The following CILK1 variants were observed in gnomAD, a reference collection of about 807,000 sequenced individuals.
CILK1 encodes ciliogenesis associated kinase 1, also known as serine/threonine-protein kinase ICK.
Under a neutral mutation model 79.2 loss-of-function variants are expected in CILK1, and 47 were observed. The observed-to-expected ratio is 0.59, with a 90% CI of 0.47 to 0.76. The LOEUF (loss-of-function observed/expected upper bound fraction) is 0.76. Among genes scored for constraint, CILK1 ranks in the 30% least tolerant of loss-of-function variants. The pLI is 0.00. For missense variants in CILK1, 660 were observed against 769.5 expected (o/e 0.86, Z 1.68); for synonymous variants, 266 against 275.9 (o/e 0.96, Z 0.36).
intron 1 of CILK1, among the ~76,000 whole-genome samples, chr6:53,057,419 A>G (rs973376528): frequency 1.1e-4 from 16 of 152,200 alleles, no homozygotes; most frequent in African/African-American, 3.9e-4. Flanking sequence ...GCAAGGCACT[A>G]TTGTGGCCCT....
intron 2 of CILK1, among the ~76,000 whole-genome samples, chr6:53,039,665 G>A (rs751459112): frequency 6.6e-6 from 1 of 152,218 alleles, no homozygotes; most frequent in African/African-American, 2.4e-5. Flanking sequence ...ATAGAGCTGT[G>A]CGCTACAGCT....
At chr6:53,024,922 T>A (rs1765477821) in intron 5 of CILK1, among the ~76,000 whole-genome samples, 1 of 145,190 alleles carries the variant, frequency 6.9e-6, no homozygotes, top group Non-Finnish European at 1.5e-5. Context: ...AACCTCCACC[T>A]CCCGGGTTCA....
At chr6:53,041,056 T>C in intron 2 of CILK1, 80 bp downstream of exon 2, 3 of 940,122 alleles carry the variant, frequency 3.2e-6, no homozygotes, top group Non-Finnish European at 5.3e-6. Context: ...TCCTACCCAC[T>C]CCCCTTTAGA....
intron 1 of CILK1, among the ~76,000 whole-genome samples, chr6:53,042,214 T>C (rs1486522907): frequency 6.6e-6 from 1 of 152,240 alleles, no homozygotes; most frequent in Non-Finnish European, 1.5e-5. Flanking sequence ...TCTTTTCTAA[T>C]TTCTTATACA....
intron 1 of CILK1, chr6:53,060,873 T>A (rs1006656541): frequency 6.6e-6 from 1 of 152,210 alleles, no homozygotes; most frequent in Non-Finnish European, 1.5e-5. Context: ...CTTCTGTTAC[T>A]ACAAAGAGTT....
At chr6:53,042,947 G>C (rs1766811463) in intron 1 of CILK1, among the ~76,000 whole-genome samples, 1 of 152,202 alleles carries the variant, frequency 6.6e-6, no homozygotes, top group Admixed American at 6.5e-5. Context: ...TAGGGAAAGT[G>C]GGGTGAAGGG....
chr6:53,037,177 C>A (rs940586420), intron 3 of CILK1, among the ~76,000 whole-genome samples: 2 of 151,884 alleles, frequency 1.3e-5, no homozygotes, highest in Admixed American at 1.3e-4. Context: ...CTCCACTGCA[C>A]AAGGAAGAGA....
At chr6:53,019,173 T>C (rs1765069767) in intron 6 of CILK1, 54 bp downstream of exon 6, 1 of 1,504,780 alleles carries the variant, frequency 6.6e-7, no homozygotes, top group Non-Finnish European at 9.3e-7. Context: ...CTTAGCATAA[T>C]GATATCTTTT....
chr6:53,046,177 T>C (rs1767064177), intron 1 of CILK1, among the ~76,000 whole-genome samples: 1 of 152,234 alleles, frequency 6.6e-6, no homozygotes, highest in Non-Finnish European at 1.5e-5. Flanking sequence ...TTCCACTCCT[T>C]TAATTACCTT....
intron 9 of CILK1, among the ~76,000 whole-genome samples, chr6:53,013,343 A>T (rs1279415978): frequency 2.6e-5 from 4 of 152,244 alleles, no homozygotes; most frequent in Non-Finnish European, 5.9e-5. Context: ...CAGAGAAGCC[A>T]GATAACTTGC....
intron 1 of CILK1, among the ~76,000 whole-genome samples, chr6:53,059,167 A>G (rs1768200211): frequency 2.0e-5 from 3 of 152,186 alleles, no homozygotes; most frequent in African/African-American, 7.2e-5. Context: ...TATCATGTAT[A>G]TGCCAGTTAT....
intron 1 of CILK1, among the ~76,000 whole-genome samples, chr6:53,047,789 G>A (rs991210347): frequency 6.6e-6 from 1 of 151,988 alleles, no homozygotes; most frequent in Non-Finnish European, 1.5e-5. Flanking sequence ...CCCAAACAAA[G>A]GCACTGGACT....
At chr6:53,061,222 TA>T (rs1264517983) in intron 1 of CILK1, among the ~76,000 whole-genome samples, 1 of 152,080 alleles carries the variant, frequency 6.6e-6, no homozygotes, top group African/African-American at 2.4e-5. Flanking sequence ...AGAAATCCAG[TA>T]AAAAATGGTT....
intron 1 of CILK1, among the ~76,000 whole-genome samples, chr6:53,049,140 G>A (rs1364940029): frequency 6.6e-6 from 1 of 152,192 alleles, no homozygotes; most frequent in Non-Finnish European, 1.5e-5. Context: ...ATGCCTTTGG[G>A]CTTATTGTTC....
At chr6:53,011,977 T>C (rs1463723920) in intron 10 of CILK1, 60 bp from the exon 11 acceptor site, 7 of 1,613,666 alleles carry the variant, frequency 4.3e-6, no homozygotes, top group Non-Finnish European at 5.9e-6. Context: ...CTCGGATATG[T>C]ACCCATAATC....
chr6:53,012,546 C>T (rs1764640259), intron 9 of CILK1, among the ~76,000 whole-genome samples: 1 of 152,136 alleles, frequency 6.6e-6, no homozygotes, highest in African/African-American at 2.4e-5. Flanking sequence ...TTAATATGAT[C>T]TCTGTTATAA....
intron 1 of CILK1, among the ~76,000 whole-genome samples, chr6:53,048,139 G>A (rs563257420): frequency 6.6e-6 from 1 of 152,258 alleles, no homozygotes; most frequent in African/African-American, 2.4e-5. Flanking sequence ...TCAGAATAAG[G>A]AATGCAATAG....
At chr6:53,049,879 C>G (rs1162048454) in intron 1 of CILK1, among the ~76,000 whole-genome samples, 1 of 152,034 alleles carries the variant, frequency 6.6e-6, no homozygotes, top group Non-Finnish European at 1.5e-5. Flanking sequence ...CACCACCAGG[C>G]CTGGTTAATT....
chr6:53,025,497 C>T (rs1385082234), intron 5 of CILK1, among the ~76,000 whole-genome samples: 44 of 152,204 alleles, frequency 2.9e-4, no homozygotes, highest in Admixed American at 2.9e-3. Context: ...TTTATCCTCT[C>T]CCTCACTGCT....
Sources: allele counts gnomAD v4.1 joint callset (sites outside exome capture counted in the v4.1 genomes callset), GRCh38; gene constraint gnomAD v4.1.1; transcripts MANE v1.5; gene names NCBI Gene and HGNC (gene_info 2026-07-23, HGNC 2026-07-21).